The following TMEM17 variants were observed in gnomAD, a reference collection of about 807,000 sequenced individuals.
TMEM17 encodes the protein transmembrane protein 17.
In TMEM17, 15 loss-of-function variants were observed where a neutral mutation model predicts 19.1. The observed-to-expected ratio is 0.78, with a 90% CI of 0.52 to 1.21. TMEM17 has a LOEUF of 1.21. Among genes scored for constraint, TMEM17 ranks in the 50% most tolerant of loss-of-function variants. The pLI is 0.00. For synonymous variants in TMEM17, 103 were observed against 86.9 expected, an observed-to-expected ratio of 1.19 and a Z score of -1.03; for missense variants, 245 against 242.3, an observed-to-expected ratio of 1.01 and a Z score of -0.07.
downstream of TMEM17, among the ~76,000 whole-genome samples, chr2:62,498,212 C>A (rs1679819148): frequency 6.6e-6 from 1 of 150,998 alleles, no homozygotes; most frequent in Non-Finnish European, 1.5e-5. Flanking sequence ...TGGTGAAACC[C>A]TGCCTCTACT....
downstream of TMEM17, among the ~76,000 whole-genome samples, chr2:62,497,934 C>CT (rs985732927): frequency 1.3e-5 from 2 of 152,190 alleles, no homozygotes; most frequent in African/African-American, 4.8e-5. Flanking sequence ...TAAAGTTACG[C>CT]TTTTTTACTT....
the TMEM17 span, among the ~76,000 whole-genome samples, chr2:62,495,136 C>A: frequency 6.6e-6 from 1 of 152,188 alleles, no homozygotes; most frequent in Non-Finnish European, 1.5e-5. Flanking sequence ...TCTTTTCAGA[C>A]AAGAATGTTC....
chr2:62,460,202 A>C, the TMEM17 span, among the ~76,000 whole-genome samples: 63 of 152,316 alleles, frequency 4.1e-4, no homozygotes, highest in African/African-American at 1.3e-3. Flanking sequence ...GACCTTATTT[A>C]ATCCTCACAA....
At chr2:62,488,376 T>C in the TMEM17 span, among the ~76,000 whole-genome samples, 1 of 150,916 alleles carries the variant, frequency 6.6e-6, no homozygotes, top group East Asian at 2.0e-4. Flanking sequence ...GAATGGAGAA[T>C]AAAAACCATG....
At chr2:62,456,066 C>T in the TMEM17 span, among the ~76,000 whole-genome samples, 1 of 152,164 alleles carries the variant, frequency 6.6e-6, no homozygotes, top group African/African-American at 2.4e-5. Context: ...TGGTCAATTT[C>T]CCTGGGAGGT....
At chr2:62,454,967 A>T in the TMEM17 span, among the ~76,000 whole-genome samples, 1 of 152,218 alleles carries the variant, frequency 6.6e-6, no homozygotes, top group Non-Finnish European at 1.5e-5. Context: ...GGCCTTCCAA[A>T]GTGCTGGGAT....
the TMEM17 span, among the ~76,000 whole-genome samples, chr2:62,476,006 C>T: frequency 6.6e-6 from 1 of 152,152 alleles, no homozygotes; most frequent in East Asian, 1.9e-4. Context: ...CAGTGTGTTC[C>T]CAGGACCTAC....
the TMEM17 span, among the ~76,000 whole-genome samples, chr2:62,463,484 G>C: frequency 1.3e-5 from 2 of 152,164 alleles, no homozygotes. Flanking sequence ...GAAGAAATAG[G>C]CTATTCATAG....
At chr2:62,471,717 G>A in the TMEM17 span, among the ~76,000 whole-genome samples, 1 of 152,262 alleles carries the variant, frequency 6.6e-6, no homozygotes, top group African/African-American at 2.4e-5. Flanking sequence ...GTGCCTAGGA[G>A]AAGGGAGGGC....
the TMEM17 span, among the ~76,000 whole-genome samples, chr2:62,459,754 G>A: frequency 1.3e-5 from 2 of 152,210 alleles, no homozygotes; most frequent in Non-Finnish European, 2.9e-5. Flanking sequence ...CATTTTAAAT[G>A]AATTTATATT....
chr2:62,477,421 G>A, the TMEM17 span, among the ~76,000 whole-genome samples: 38 of 151,850 alleles, frequency 2.5e-4, no homozygotes, highest in East Asian at 4.7e-3. Flanking sequence ...AATCTCTCAG[G>A]GTTGTCTATC....
the TMEM17 span, among the ~76,000 whole-genome samples, chr2:62,467,685 CT>C: frequency 2.0e-5 from 3 of 152,162 alleles, no homozygotes; most frequent in Admixed American, 2.0e-4. Flanking sequence ...GCTCTGTTTT[CT>C]GGCTGCAGGG....
At chr2:62,493,581 A>G in the TMEM17 span, among the ~76,000 whole-genome samples, 1 of 152,166 alleles carries the variant, frequency 6.6e-6, no homozygotes, top group Non-Finnish European at 1.5e-5. Flanking sequence ...ATACTAGTGA[A>G]CTTTTTGAAA....
chr2:62,503,568 G>C (rs1679989338), intron 1 of TMEM17, among the ~76,000 whole-genome samples: 1 of 152,240 alleles, frequency 6.6e-6, no homozygotes, highest in Non-Finnish European at 1.5e-5. Flanking sequence ...CTGTAAAATA[G>C]TGAAATTAAA....
chr2:62,475,282 C>G, the TMEM17 span, among the ~76,000 whole-genome samples: 1 of 152,262 alleles, frequency 6.6e-6, no homozygotes, highest in African/African-American at 2.4e-5. Context: ...AGCCGCACCA[C>G]AGGCACTCCA....
the TMEM17 span, among the ~76,000 whole-genome samples, chr2:62,457,808 C>T: frequency 6.6e-6 from 1 of 152,206 alleles, no homozygotes; most frequent in East Asian, 1.9e-4. The surrounding 1 kb of genome is among the most constrained non-coding windows in gnomAD (Gnocchi z 4.2). Flanking sequence ...GAGCGGTTGC[C>T]TCCAGCAGCC....
the TMEM17 span, among the ~76,000 whole-genome samples, chr2:62,453,755 G>A: frequency 1.3e-5 from 2 of 152,200 alleles, no homozygotes; most frequent in African/African-American, 4.8e-5. Flanking sequence ...CATTTTGCAG[G>A]GGAGACCATT....
chr2:62,476,042 C>A, the TMEM17 span, among the ~76,000 whole-genome samples: 4 of 152,200 alleles, frequency 2.6e-5, no homozygotes, highest in African/African-American at 9.7e-5. Flanking sequence ...CTGGCCACTG[C>A]CTGCGTGCCC....
chr2:62,496,360 G>A (rs953660712), downstream of TMEM17, among the ~76,000 whole-genome samples: 1 of 152,170 alleles, frequency 6.6e-6, no homozygotes, highest in African/African-American at 2.4e-5. Flanking sequence ...ATATGCATGA[G>A]ATGTTCGTTA....
Sources: allele counts gnomAD v4.1 joint callset (sites outside exome capture counted in the v4.1 genomes callset), GRCh38; gene constraint gnomAD v4.1.1; non-coding constraint Gnocchi (gnomAD v3.1); transcripts MANE v1.5; gene names NCBI Gene and HGNC (gene_info 2026-07-23, HGNC 2026-07-21).